The following ZFP2 variants were observed in gnomAD, a reference collection of about 807,000 sequenced individuals.
ZFP2 encodes zinc finger protein ZFP2.
Under a neutral mutation model 36.1 loss-of-function variants are expected in ZFP2, and 33 were observed. The observed-to-expected ratio is 0.92, with a 90% CI of 0.69 to 1.22. ZFP2 has a LOEUF of 1.22. Ranked by LOEUF, ZFP2 falls within the 50% of genes most tolerant of loss-of-function variation. The pLI, the probability that ZFP2 is intolerant of heterozygous loss-of-function variation, is 0.00. For synonymous variants in ZFP2, 170 were observed against 178.0 expected (o/e 0.96, Z 0.36); for missense variants, 522 against 551.4 (o/e 0.95, Z 0.53).
intron 1 of ZFP2, chr5:178,910,418 C>T: frequency 1.2e-6 from 1 of 823,066 alleles, no homozygotes; most frequent in Non-Finnish European, 2.1e-6. Context: ...ATGTTGGCAG[C>T]TGGCAGCCTC....
chr5:178,920,332 T>C (rs1758531369), intron 4 of ZFP2, among the ~76,000 whole-genome samples: 1 of 152,116 alleles, frequency 6.6e-6, no homozygotes, highest in South Asian at 2.1e-4. Context: ...AATAAATAAG[T>C]GTTTATATAT....
chr5:178,908,767 G>A (rs1240776913), intron 1 of ZFP2, among the ~76,000 whole-genome samples: 1 of 151,934 alleles, frequency 6.6e-6, no homozygotes, highest in Admixed American at 6.6e-5. Context: ...ACCAAAAAAT[G>A]AAGAAAGTGC....
At chr5:178,922,983 C>G (rs1758591949) in intron 4 of ZFP2, among the ~76,000 whole-genome samples, 1 of 149,474 alleles carries the variant, frequency 6.7e-6, no homozygotes, top group African/African-American at 2.4e-5. Flanking sequence ...AAAATATTAT[C>G]TCATTCCATT....
At position 178,931,606 on chromosome 5, in the gene ZFP2, G is replaced by C; in HGVS notation, c.293G>C (p.Gly98Ala). The change falls in exon 5 of 5, where the codon GGA becomes GCA. Residue 98 changes from glycine to alanine, a missense_variant. Transcript: ENST00000361362. The stretch of plus-strand genomic sequence containing the variant: ...ATTAAAACTCAAAGAATGTTTGTAG[G>C]AAAGAAGATCTATGAATGTAATCAG... ...ELIKTQRMFV[G>A]KKIYECNQCS... 6.2e-7 allele frequency: 1 copy of C among 1,614,148 alleles called. No homozygotes were observed. Among genetic ancestry groups the C allele is most frequent in the Non-Finnish European group, 8.5e-7 (1 of 1,180,026 alleles).
At chr5:178,913,114 T>C in intron 3 of ZFP2, 43 bp downstream of exon 3, 2 of 964,748 alleles carry the variant, frequency 2.1e-6, no homozygotes, top group Non-Finnish European at 2.5e-6. Flanking sequence ...AGTGTGTCTT[T>C]GGGGAAAATC....
At chr5:178,925,122 T>TAC (rs1758639420) in intron 4 of ZFP2, among the ~76,000 whole-genome samples, 1 of 68,026 alleles carries the variant, frequency 1.5e-5, no homozygotes, top group African/African-American at 4.0e-5. Flanking sequence ...TATATATATA[T>TAC]ATATACACAC....
intron 4 of ZFP2, among the ~76,000 whole-genome samples, chr5:178,930,377 GTGGT>G (rs1268006539): frequency 8.4e-6 from 1 of 119,536 alleles, no homozygotes; most frequent in Non-Finnish European, 1.6e-5. Flanking sequence ...CTGGAGTGCA[GTGGT>G]ACTACCTCAG....
intron 1 of ZFP2, among the ~76,000 whole-genome samples, chr5:178,904,096 G>T (rs1467219456): frequency 6.6e-6 from 1 of 152,060 alleles, no homozygotes; most frequent in African/African-American, 2.4e-5. Context: ...TTACATCCTT[G>T]TGCTATCTGG....
At chr5:178,896,727 CACTTTGT>C (rs1214122808) in intron 1 of ZFP2, among the ~76,000 whole-genome samples, 1 of 152,112 alleles carries the variant, frequency 6.6e-6, no homozygotes, top group Non-Finnish European at 1.5e-5. Context: ...AGCATAGAAA[CACTTTGT>C]ACTTTGTTTT....
At chr5:178,896,885 A>G (rs1757955688) in intron 1 of ZFP2, among the ~76,000 whole-genome samples, 1 of 152,214 alleles carries the variant, frequency 6.6e-6, no homozygotes, top group Non-Finnish European at 1.5e-5. Flanking sequence ...CAATGAAGAT[A>G]GAGAATACAT....
Position 178,932,933 on chromosome 5 carries a change from AAG to A in ZFP2, c.*237_*238del. The A allele has an allele frequency of 2.1e-6, 1 of 479,944 alleles. No homozygotes were observed. Among genetic ancestry groups the A allele is most frequent in the Non-Finnish European group, 3.7e-6 (1 of 272,670 alleles). The allele number at this position is 479,944 out of a possible 1,614,324, so 29.7% of individuals were successfully genotyped here. On this transcript the variant is annotated 3_prime_UTR_variant, in exon 5 of 5. Transcript: ENST00000361362. The stretch of plus-strand genomic sequence containing the variant: ...GTTTAAATAGCTAATATAAACAATG[AAG>A]AGTCATGCTGAAGATAAGTTCTGTT...
intron 1 of ZFP2, among the ~76,000 whole-genome samples, chr5:178,912,201 A>C (rs1758312865): frequency 6.6e-6 from 1 of 152,234 alleles, no homozygotes; most frequent in African/African-American, 2.4e-5. Context: ...TATGTGGCTG[A>C]TAAATTGCTA....
rs1040616066 is a variant in ZFP2, at chr5:178,912,990, C to T, written c.-305C>T. 8.1e-6 allele frequency: 8 copies of T among 985,732 alleles called. No homozygotes were observed. The highest frequency in any genetic ancestry group is 1.7e-5 in the African/African-American group (1 of 57,224). The allele number at this position is 985,732 out of a possible 1,614,324, so 61.1% of individuals were successfully genotyped here. ...TCTCTCCTCTTAAGCAGGAAATCAC[C>T]TTTCCAAACCCAATGGGACTTCCCA... On this transcript the variant is annotated 5_prime_UTR_variant, in exon 3 of 5. Coordinates refer to ENST00000361362, the MANE Select transcript of ZFP2 (RefSeq NM_030613.4).
rs1758248945 is a variant in ZFP2, at chr5:178,909,736, C to T, written c.-449-2848C>T. On this transcript the variant is annotated intron_variant, in intron 1 of 4. Coordinates refer to ENST00000361362, the MANE Select transcript of ZFP2 (RefSeq NM_030613.4). ...GTCTGCTCCTCAGGACACAAGCCCT[C>T]GGGCCTTGAGCTGAGTGCACCTCTC... is the stretch of plus-strand genomic sequence containing the variant. 4.5e-6 allele frequency: 7 copies of T among 1,547,552 alleles called. No individual in the cohort carries two copies. The South Asian group carries it at 6.4e-5, about 14-fold the overall frequency.
chr5:178,924,543 A>G (rs1219164959), intron 4 of ZFP2, among the ~76,000 whole-genome samples: 1 of 148,910 alleles, frequency 6.7e-6, no homozygotes, highest in Non-Finnish European at 1.5e-5. Flanking sequence ...AGACAAATGA[A>G]GAAAAAAGAA....
intron 1 of ZFP2, among the ~76,000 whole-genome samples, chr5:178,911,046 C>T (rs141122310): frequency 1.5e-3 from 233 of 152,282 alleles, no homozygotes; most frequent in African/African-American, 5.4e-3. Flanking sequence ...TGTTGAACAT[C>T]TGATGATTTT....
intron 1 of ZFP2, among the ~76,000 whole-genome samples, chr5:178,904,216 T>C (rs1194421044): frequency 1.3e-5 from 2 of 152,210 alleles, no homozygotes; most frequent in Non-Finnish European, 2.9e-5. Context: ...TTCTCTGCCA[T>C]GTGGTGTGCC....
chr5:178,914,182 T>A (rs1758369918), intron 3 of ZFP2, among the ~76,000 whole-genome samples: 3 of 152,140 alleles, frequency 2.0e-5, no homozygotes, highest in Non-Finnish European at 2.9e-5. Flanking sequence ...ATATTTTTTT[T>A]AAATTAAAGA....
chr5:178,910,262 A>G, intron 1 of ZFP2: 6 of 1,516,904 alleles, frequency 4.0e-6, no homozygotes, highest in Non-Finnish European at 5.5e-6. Context: ...TGGGGTCGAC[A>G]CATAGGTCAT....
Sources: allele counts gnomAD v4.1 joint callset (sites outside exome capture counted in the v4.1 genomes callset), GRCh38; gene constraint gnomAD v4.1.1; transcripts MANE v1.5; gene names NCBI Gene and HGNC (gene_info 2026-07-23, HGNC 2026-07-21).